MANSC1: variants seen among roughly 807,000 people sequenced by gnomAD.
MANSC1 encodes MANSC domain containing 1.
MANSC1 carries 13 observed loss-of-function variants against 14.1 expected under a neutral mutation model. The ratio of observed to expected loss-of-function variants is 0.92; its 90% CI spans 0.60 to 1.46. The LOEUF (loss-of-function observed/expected upper bound fraction) is 1.46, where lower values mean the gene tolerates loss of function less well. Ranked by LOEUF, MANSC1 falls within the 40% of genes most tolerant of loss-of-function variation. MANSC1 has a pLI of 0.00. For synonymous variants in MANSC1, 227 were observed against 200.7 expected, an observed-to-expected ratio of 1.13 and a Z score of -1.11; for missense variants, 486 against 511.4, an observed-to-expected ratio of 0.95 and a Z score of 0.48.
At chr12:12,334,320 A>T (rs1862830585) in intron 3 of MANSC1, among the ~76,000 whole-genome samples, 2 of 152,058 alleles carry the variant, frequency 1.3e-5, no homozygotes, top group South Asian at 2.1e-4. Context: ...GACAGAAAAG[A>T]AAAAGAAATA....
At chr12:12,348,795 A>C (rs1175936970) in intron 1 of MANSC1, among the ~76,000 whole-genome samples, 4 of 151,820 alleles carry the variant, frequency 2.6e-5, no homozygotes, top group Non-Finnish European at 5.9e-5. Context: ...GCTGTTTGTC[A>C]AAATTCTGTA....
chr12:12,338,322 TTC>T, intron 3 of MANSC1, 96 bp downstream of exon 3: 1 of 1,107,856 alleles, frequency 9.0e-7, no homozygotes. Context: ...CTGGTACCCC[TTC>T]TGGTAGTTTT....
intron 2 of MANSC1, among the ~76,000 whole-genome samples, chr12:12,341,223 C>T (rs1455321241): frequency 6.6e-6 from 1 of 152,124 alleles, no homozygotes; most frequent in Non-Finnish European, 1.5e-5. Context: ...GCAAGAACAA[C>T]TAATAGAACT....
At chr12:12,338,758 CTT>C (rs568230959) in intron 2 of MANSC1, 198 bp from the exon 3 acceptor site, 65 of 494,044 alleles carry the variant, frequency 1.3e-4, no homozygotes, top group South Asian at 2.6e-4. Context: ...TTGGGTTTAG[CTT>C]TTTTTTTTTC....
At chr12:12,340,143 A>G (rs1862915613) in intron 2 of MANSC1, among the ~76,000 whole-genome samples, 1 of 152,192 alleles carries the variant, frequency 6.6e-6, no homozygotes, top group Non-Finnish European at 1.5e-5. Flanking sequence ...TCTTGTGTCC[A>G]ACAGAAATTA....
rs956778897 is a variant in MANSC1, at chr12:12,327,240, G to C, written c.*2787C>G. 1.3e-5 allele frequency: 2 copies of C among 152,424 alleles called. No individual in the cohort carries two copies. Among genetic ancestry groups the C allele is most frequent in the Non-Finnish European group, 2.9e-5 (2 of 68,136 alleles). 9.4% of individuals were successfully genotyped at this position (152,424 alleles called of 1,614,324 possible). A position where few individuals can be genotyped will look rare whatever the true frequency, so the allele number is the denominator to read the frequency against. ...CCTTCTCTTTCTACAAACCAAAGGA[G>C]GGGGCTCATAACTCAATGGGCCTTG... On this transcript the variant is annotated 3_prime_UTR_variant, in exon 4 of 4. Transcript: ENST00000535902.
intron 1 of MANSC1, among the ~76,000 whole-genome samples, chr12:12,347,785 G>A (rs1201993786): frequency 3.9e-5 from 6 of 152,312 alleles, no homozygotes; most frequent in South Asian, 2.1e-4. Flanking sequence ...TCGCCTGGGC[G>A]CGGTGGCTCA....
At chr12:12,346,305 G>A (rs1445965203) in intron 1 of MANSC1, among the ~76,000 whole-genome samples, 1 of 151,980 alleles carries the variant, frequency 6.6e-6, no homozygotes, top group Non-Finnish European at 1.5e-5. Context: ...CCCAACTTGA[G>A]CTACAGATTA....
At chr12:12,340,910 C>T (rs1350227956) in intron 2 of MANSC1, among the ~76,000 whole-genome samples, 1 of 152,080 alleles carries the variant, frequency 6.6e-6, no homozygotes, top group African/African-American at 2.4e-5. Context: ...ATAAAGTGTC[C>T]CAAAGCACAC....
intron 1 of MANSC1, among the ~76,000 whole-genome samples, chr12:12,349,381 G>A (rs978761058): frequency 4.6e-5 from 7 of 152,212 alleles, no homozygotes; most frequent in African/African-American, 1.7e-4. Flanking sequence ...TATGTAAGGA[G>A]ATGGGGCAGG....
rs1491567132 is a variant in MANSC1 at position 12,329,025 on chromosome 12, CAA to C, written c.*1000_*1001del. ...ACACACACACACACACACACACACA[CAA>C]GTTAACTAGAACAGATCCCAAGTGG... On this transcript the variant is annotated 3_prime_UTR_variant, in exon 4 of 4. Coordinates refer to ENST00000535902, the MANE Select transcript of MANSC1 (RefSeq NM_018050.4). 3 of 152,132 alleles carry C rather than the reference CAA, an allele frequency of 2.0e-5. No individual in the cohort carries two copies. Among genetic ancestry groups the C allele is most frequent in the African/African-American group, 7.5e-5 (3 of 40,146 alleles). 9.4% of individuals were successfully genotyped at this position (152,132 alleles called of 1,614,324 possible).
chr12:12,342,725 C>T (rs1214115119), intron 2 of MANSC1, among the ~76,000 whole-genome samples: 2 of 151,942 alleles, frequency 1.3e-5, no homozygotes, highest in Non-Finnish European at 2.9e-5. Context: ...TTTGTCTCAA[C>T]CCCTTTTCTC....
chr12:12,330,750 T>C lies in MANSC1; in HGVS notation c.573A>G (p.Ala191=). ...HLEKLFKMDE[A]SAQLLAYKEK... is the part of the protein sequence containing the mutation. Reference sequence around the variant, plus strand: ...CCTTATAAGCAAGGAGCTGGGCACTTGCTTCATCCATCTTAAATAGTTTCT... The same window carrying C: ...CCTTATAAGCAAGGAGCTGGGCACTCGCTTCATCCATCTTAAATAGTTTCT... Residue 191 remains alanine, a synonymous_variant, in exon 4 of 4, where the codon GCA becomes GCG. Coordinates refer to ENST00000535902, the MANE Select transcript of MANSC1 (RefSeq NM_018050.4). 6.2e-7 allele frequency: 1 copy of C among 1,614,188 alleles called. No individual in the cohort carries two copies. The highest frequency in any genetic ancestry group is 1.6e-4 in the Middle Eastern group (1 of 6,062).
rs35737962 is a variant in MANSC1, at chr12:12,328,526, G to A, written c.*1501C>T. ...CCATCTCGGCCTCCCAAAGTGCTGG[G>A]ATTACAGGCGTGAGCCACCGCGCCT... On this transcript the variant is annotated 3_prime_UTR_variant, in exon 4 of 4. Coordinates refer to ENST00000535902, the MANE Select transcript of MANSC1 (RefSeq NM_018050.4). 14,720 of 151,376 alleles carry A rather than the reference G, an allele frequency of 0.097. 903 individuals carry two copies. The highest frequency in any genetic ancestry group is 0.16 in the East Asian group (803 of 5,046). The allele number at this position is 151,376 out of a possible 1,614,324, so 9.4% of individuals were successfully genotyped here. A position where few individuals can be genotyped will look rare whatever the true frequency, so the allele number is the denominator to read the frequency against.
chr12:12,330,800 T>G lies in MANSC1; in HGVS notation c.523A>C (p.Lys175Gln). Residue 175 changes from lysine to glutamine, a missense_variant, in exon 4 of 4, where the codon AAG becomes CAG. Transcript: ENST00000535902. Reference sequence around the variant, plus strand: ...TCCAAGTGATCTGAGGATCCAAACTTCTGAGAAAGTGTGTCTCTCCATGAG... The same window carrying G: ...TCCAAGTGATCTGAGGATCCAAACTGCTGAGAAAGTGTGTCTCTCCATGAG... Reference protein sequence around the residue: ...DISWRDTLSQKFGSSDHLEKL... With the variant: ...DISWRDTLSQQFGSSDHLEKL... 2.5e-6 allele frequency: 4 copies of G among 1,614,136 alleles called. No homozygotes were observed. Among genetic ancestry groups the G allele is most frequent in the Non-Finnish European group, 3.4e-6 (4 of 1,180,026 alleles).
At chr12:12,340,641 T>C (rs1171996371) in intron 2 of MANSC1, among the ~76,000 whole-genome samples, 15 of 152,204 alleles carry the variant, frequency 9.9e-5, no homozygotes, top group Admixed American at 9.2e-4. Flanking sequence ...GGAAAATGTT[T>C]GAGATCCATT....
At chr12:12,335,525 G>C (rs61922040) in intron 3 of MANSC1, among the ~76,000 whole-genome samples, 90,670 of 150,514 alleles carry the variant, frequency 0.6, 27,771 homozygotes, top group South Asian at 0.76. Flanking sequence ...ATTTTTAGTA[G>C]AGACGGGGTT....
At chr12:12,337,123 A>T (rs1360103959) in intron 3 of MANSC1, among the ~76,000 whole-genome samples, 1 of 151,836 alleles carries the variant, frequency 6.6e-6, no homozygotes, top group Admixed American at 6.6e-5. Context: ...TACAAAAAAA[A>T]AAAAATAGCT....
intron 1 of MANSC1, among the ~76,000 whole-genome samples, chr12:12,349,462 T>C (rs1203628003): frequency 6.6e-6 from 1 of 152,172 alleles, no homozygotes; most frequent in Non-Finnish European, 1.5e-5. Flanking sequence ...CTCAGCAATA[T>C]TAGGTTAGCG....
Sources: gnomAD v4.1 joint callset for allele counts (sites outside exome capture counted in the v4.1 genomes callset) on GRCh38, gnomAD v4.1.1 for gene constraint, MANE v1.5 for transcripts, NCBI Gene and HGNC (gene_info 2026-07-23, HGNC 2026-07-21) for gene names.